The following RASA3 variants were observed in gnomAD, a reference collection of about 807,000 sequenced individuals.
The protein encoded by RASA3 is ras GTPase-activating protein 3.
Under a neutral mutation model 110.0 loss-of-function variants are expected in RASA3, and 73 were observed. That is an observed-to-expected ratio of 0.66 (90% CI 0.55 to 0.81). The LOEUF is 0.81. RASA3 is among the 30% of genes least tolerant of loss of function. The probability of loss-of-function intolerance (pLI) is 0.00; values close to 1 mark genes in which losing one functional copy is unlikely to be tolerated. For synonymous variants in RASA3, 500 were observed against 451.4 expected (o/e 1.11, Z -1.37); for missense variants, 976 against 1,113.2 (o/e 0.88, Z 1.75).
At chr13:114,040,844 C>T (rs1201680096) in intron 4 of RASA3, among the ~76,000 whole-genome samples, 156 bp downstream of exon 4, 1 of 152,230 alleles carries the variant, frequency 6.6e-6, no homozygotes, top group Non-Finnish European at 1.5e-5. Flanking sequence ...GCGCTCACTC[C>T]GAGCACAAGT....
chr13:114,000,670 G>C (rs1052491074), intron 19 of RASA3, among the ~76,000 whole-genome samples, 156 bp downstream of exon 19: 7 of 152,212 alleles, frequency 4.6e-5, no homozygotes, highest in African/African-American at 1.7e-4. Flanking sequence ...TTTGAAGGGA[G>C]AACCAGAAGC....
At chr13:114,053,363 G>A (rs879125954) in intron 2 of RASA3, among the ~76,000 whole-genome samples, 1 of 152,250 alleles carries the variant, frequency 6.6e-6, no homozygotes, top group Admixed American at 6.5e-5. Flanking sequence ...TCCTGGGCTG[G>A]CACAGGTGGG....
intron 1 of RASA3, among the ~76,000 whole-genome samples, chr13:114,094,616 A>T (rs959912544): frequency 6.6e-6 from 1 of 152,268 alleles, no homozygotes; most frequent in East Asian, 1.9e-4. Context: ...AACTTAAAAA[A>T]AACATGTTTA....
At chr13:114,026,966 T>G (rs2054036077) in intron 7 of RASA3, among the ~76,000 whole-genome samples, 1 of 152,340 alleles carries the variant, frequency 6.6e-6, no homozygotes, top group South Asian at 2.1e-4. Flanking sequence ...ACCCTGCCTA[T>G]TTCCACTGGA....
chr13:114,073,187 A>G (rs112760147), intron 2 of RASA3, among the ~76,000 whole-genome samples: 61 of 95,754 alleles, frequency 6.4e-4, no homozygotes, highest in African/African-American at 9.2e-4. Flanking sequence ...CCCTACACGC[A>G]GGAAAACGGG....
At chr13:114,078,863 G>C (rs550450601) in intron 1 of RASA3, among the ~76,000 whole-genome samples, 1 of 152,184 alleles carries the variant, frequency 6.6e-6, no homozygotes, top group African/African-American at 2.4e-5. Flanking sequence ...TGCTGACAGC[G>C]AGCTGTCGGG....
chr13:114,061,108 A>T (rs1307644683), intron 2 of RASA3, among the ~76,000 whole-genome samples: 1 of 147,934 alleles, frequency 6.8e-6, no homozygotes, highest in Admixed American at 6.7e-5. Flanking sequence ...ACTTAAAAGC[A>T]CTTAGAGTTT....
intron 3 of RASA3, among the ~76,000 whole-genome samples, chr13:114,051,233 G>A (rs1000398665): frequency 1.3e-5 from 2 of 152,192 alleles, no homozygotes. Context: ...ACCACCTGGG[G>A]TCTGGGTTCA....
In RASA3 at chr13:114,057,260, T is replaced by A. The variant is rs1030936327; in HGVS notation, c.174-5105A>T. The A allele has an allele frequency of 3.0e-6, 3 of 985,316 alleles. No homozygotes were observed. The highest frequency in any genetic ancestry group is 6.1e-5 in the Admixed American group (1 of 16,272). 61.0% of individuals were successfully genotyped at this position (985,316 alleles called of 1,614,324 possible). A position where few individuals can be genotyped will look rare whatever the true frequency, so the allele number is the denominator to read the frequency against. Reference sequence around the variant, plus strand: ...TGTTTCCTGCGGGTCACCTCAAGTCTTTCAGGAAACCAGGCAGGACATCTG... The same window carrying A: ...TGTTTCCTGCGGGTCACCTCAAGTCATTCAGGAAACCAGGCAGGACATCTG... On this transcript the variant is annotated intron_variant, in intron 2 of 23. Coordinates refer to ENST00000334062, the MANE Select transcript of RASA3 (RefSeq NM_007368.4). The surrounding 1 kb of genome is among the most constrained non-coding windows in gnomAD (Gnocchi z 5.0).
At chr13:114,003,658 T>C (rs1176593631) in intron 18 of RASA3, among the ~76,000 whole-genome samples, 1 of 114,404 alleles carries the variant, frequency 8.7e-6, no homozygotes, top group East Asian at 1.9e-4. Context: ...TAATATATTC[T>C]GTGTCCTTGT....
At chr13:114,104,896 C>T (rs151260992) in intron 1 of RASA3, among the ~76,000 whole-genome samples, 3,108 of 151,108 alleles carry the variant, frequency 0.021, 41 homozygotes, top group South Asian at 0.039. Context: ...CTCCCCTCCC[C>T]ACACACGTTC....
At chr13:114,037,498 C>T (rs1307177201) in intron 4 of RASA3, among the ~76,000 whole-genome samples, 1 of 151,972 alleles carries the variant, frequency 6.6e-6, no homozygotes, top group African/African-American at 2.4e-5. Context: ...GGGGAAGGGG[C>T]GGACGGGAGC....
chr13:114,131,105 C>A (rs1185946518), intron 1 of RASA3, among the ~76,000 whole-genome samples: 1 of 152,228 alleles, frequency 6.6e-6, no homozygotes. Flanking sequence ...CTAGCTGCAG[C>A]GCTTCTGGGC....
intron 1 of RASA3, among the ~76,000 whole-genome samples, chr13:114,077,483 T>C (rs1339172830): frequency 9.2e-4 from 37 of 40,426 alleles, no homozygotes; most frequent in African/African-American, 1.2e-3. Flanking sequence ...CCCTCCCCAC[T>C]CAATGATGCC....
intron 3 of RASA3, 57 bp from the exon 4 acceptor site, chr13:114,041,151 C>T (rs1402306257): frequency 1.4e-6 from 2 of 1,463,784 alleles, no homozygotes; most frequent in African/African-American, 2.8e-5. Flanking sequence ...GCCAGGACGC[C>T]TGTGAGCAGA....
intron 2 of RASA3, 32 bp from the exon 3 acceptor site, chr13:114,052,187 C>T (rs1435794758): frequency 1.3e-6 from 2 of 1,485,970 alleles, no homozygotes; most frequent in Non-Finnish European, 1.9e-6. Flanking sequence ...CCAGTTAGAA[C>T]ACAGGCCACG....
intron 22 of RASA3, among the ~76,000 whole-genome samples, chr13:113,989,301 C>T (rs558410299): frequency 1.4e-4 from 21 of 147,606 alleles, no homozygotes; most frequent in African/African-American, 5.0e-4. Context: ...CCACCCATTA[C>T]TCACCCATCT....
chr13:114,131,119 A>G (rs1003156733), intron 1 of RASA3, among the ~76,000 whole-genome samples: 7 of 152,224 alleles, frequency 4.6e-5, no homozygotes, highest in African/African-American at 1.4e-4. Flanking sequence ...TCTGGGCCAA[A>G]TATCAAGACA....
rs1483888140 is a variant in RASA3 at position 114,052,087 on chromosome 13, A to G, written c.242T>C (p.Phe81Ser). 2 of 1,613,130 alleles carry G rather than the reference A, an allele frequency of 1.2e-6. No homozygotes were observed. Among genetic ancestry groups the G allele is most frequent in the Non-Finnish European group, 1.7e-6 (2 of 1,179,376 alleles). Residue 81 changes from phenylalanine (F) to serine (S), a missense_variant, in exon 3 of 24, where the codon TTC becomes TCC. By Grantham distance (155) the Phe-to-Ser change is radical. Around this residue, in one of 4 missense-constraint regions of RASA3, gnomAD observed 732 missense variants for 779.7 expected, o/e 0.94. Transcript: ENST00000334062. ...ATCCCTCCGGAAAACGTCTCTATCG[A>G]AAATGTAGAAGGACAGGTGACGAAA... is the stretch of plus-strand genomic sequence containing the variant. ...RSFRHLSFYIFDRDVFRRDSI... is the reference protein window; with the variant it reads ...RSFRHLSFYISDRDVFRRDSI...
Sources: gnomAD v4.1 joint callset for allele counts (sites outside exome capture counted in the v4.1 genomes callset) on GRCh38, gnomAD v4.1.1 for gene constraint, gnomAD v4.1.1 regional missense constraint, Gnocchi (gnomAD v3.1) non-coding constraint, MANE v1.5 for transcripts, NCBI Gene and HGNC (gene_info 2026-07-23, HGNC 2026-07-21) for gene names.